Variants in CFDP1 observed in about 807,000 individuals in gnomAD.
CFDP1 encodes chromatin remodeling protein CFDP1, also known as heterochromatin-stabilizing protein CFDP1.
Under a neutral mutation model 40.1 loss-of-function variants are expected in CFDP1, and 31 were observed. That is an observed-to-expected ratio of 0.77 (90% CI 0.58 to 1.04). The LOEUF is 1.04. Ranked by LOEUF, CFDP1 falls within the 50% of genes least tolerant of loss-of-function variation. The pLI is 0.00. For missense variants in CFDP1, 423 were observed against 343.4 expected (o/e 1.23, Z -1.83); for synonymous variants, 167 against 120.0 (o/e 1.39, Z -2.56).
chr16:75,349,492 G>T lies in CFDP1; in HGVS notation c.651-44310C>A, dbSNP rs973994330. 3.3e-5 allele frequency among the ~76,000 whole-genome samples: 5 copies of T among 149,670 alleles called. No homozygotes were observed. In the Admixed American group the frequency reaches 3.4e-4, roughly 10 times the overall value. On this transcript the variant is annotated intron_variant, in intron 5 of 6. Coordinates refer to ENST00000283882, the MANE Select transcript of CFDP1 (RefSeq NM_006324.3). ...CCACTGCACTCTAGCCTGGGTGACA[G>T]AGCGAGACTCTGTCTCAAAAAAAGA...
At chr16:75,309,558 T>A (rs2078279976) in intron 5 of CFDP1, among the ~76,000 whole-genome samples, 1 of 151,752 alleles carries the variant, frequency 6.6e-6, no homozygotes. Context: ...CTGTGGCTCA[T>A]GCCTGTAATC....
chr16:75,334,623 T>C (rs749634622), intron 5 of CFDP1, among the ~76,000 whole-genome samples: 6 of 151,994 alleles, frequency 3.9e-5, no homozygotes, highest in Non-Finnish European at 4.4e-5. Context: ...AAGACAAGGC[T>C]TACGAAGAAA....
intron 2 of CFDP1, among the ~76,000 whole-genome samples, chr16:75,413,986 T>C (rs1483635313): frequency 6.6e-6 from 1 of 152,156 alleles, no homozygotes; most frequent in African/African-American, 2.4e-5. Context: ...ATACTTTGTA[T>C]ACATGTATAC....
At chr16:75,409,788 A>T (rs975805628) in intron 4 of CFDP1, among the ~76,000 whole-genome samples, 3 of 152,200 alleles carry the variant, frequency 2.0e-5, no homozygotes, top group African/African-American at 7.2e-5. Flanking sequence ...TACATTAACC[A>T]GTGGTGAATC....
intron 5 of CFDP1, among the ~76,000 whole-genome samples, chr16:75,349,652 A>G (rs1353081088): frequency 4.2e-4 from 2 of 4,766 alleles, no homozygotes; most frequent in East Asian, 0.012. Context: ...CTCCGTCTCA[A>G]AAAAAAAAAA....
chr16:75,342,063 A>G (rs1328020529), intron 5 of CFDP1, among the ~76,000 whole-genome samples: 3 of 152,230 alleles, frequency 2.0e-5, no homozygotes, highest in African/African-American at 7.2e-5. Context: ...TTAAGGATGT[A>G]CCTCATCCCT....
At chr16:75,299,391 TC>T (rs1327560402) in intron 6 of CFDP1, among the ~76,000 whole-genome samples, 1 of 150,232 alleles carries the variant, frequency 6.7e-6, no homozygotes, top group Non-Finnish European at 1.5e-5. Context: ...ATCCAGACCA[TC>T]CTGGTTAACA....
intron 1 of CFDP1, among the ~76,000 whole-genome samples, chr16:75,420,832 T>A (rs1019386185): frequency 2.0e-5 from 3 of 152,178 alleles, no homozygotes; most frequent in African/African-American, 4.8e-5. Flanking sequence ...AGTCTCTAGG[T>A]AGTTCAACTA....
rs146218059 is a variant in CFDP1 at position 75,337,037 on chromosome 16, T to C, written c.651-31855A>G. Reference sequence around the variant, plus strand: ...CAAATAGTTTTCTCCTGGTTTGCTGTCTTTGTTTATGGCGGTCTCTGCCAT... The same window carrying C: ...CAAATAGTTTTCTCCTGGTTTGCTGCCTTTGTTTATGGCGGTCTCTGCCAT... On this transcript the variant is annotated intron_variant, in intron 5 of 6. Coordinates refer to ENST00000283882, the MANE Select transcript of CFDP1 (RefSeq NM_006324.3). 4.1e-3 allele frequency among the ~76,000 whole-genome samples: 622 copies of C among 152,354 alleles called. 5 individuals are homozygous for C. The highest frequency in any genetic ancestry group is 0.013 in the African/African-American group (558 of 41,576).
chr16:75,337,477 C>T (rs1276809465), intron 5 of CFDP1, among the ~76,000 whole-genome samples: 1 of 152,196 alleles, frequency 6.6e-6, no homozygotes, highest in Admixed American at 6.5e-5. Context: ...TCACTCAATC[C>T]CCTGTCACTG....
intron 5 of CFDP1, among the ~76,000 whole-genome samples, chr16:75,364,150 A>G (rs888835360): frequency 9.3e-6 from 1 of 107,394 alleles, no homozygotes; most frequent in African/African-American, 2.8e-5. Context: ...CAAACAAACA[A>G]ACAAAAAAAA....
chr16:75,425,488 C>G (rs1313117536), intron 1 of CFDP1, among the ~76,000 whole-genome samples: 1 of 151,490 alleles, frequency 6.6e-6, no homozygotes, highest in East Asian at 1.9e-4. Context: ...CTCTCTCTAC[C>G]TGATTTCAAC....
chr16:75,405,749 C>CAAAA (rs35698522), intron 4 of CFDP1, among the ~76,000 whole-genome samples: 1 of 100,454 alleles, frequency 1.0e-5, no homozygotes, highest in Non-Finnish European at 1.9e-5. Flanking sequence ...GACTCCATCT[C>CAAAA]AAAAAAAAAA....
intron 6 of CFDP1, among the ~76,000 whole-genome samples, chr16:75,295,045 G>T (rs959651346): frequency 5.3e-5 from 8 of 152,214 alleles, no homozygotes; most frequent in Admixed American, 1.3e-4. Context: ...CATGGAAAAT[G>T]GGAGACAAAA....
Position 75,385,798 on chromosome 16 carries a change from T to C in CFDP1, c.650+9292A>G, listed in dbSNP as rs559864312. On this transcript the variant is annotated intron_variant, in intron 5 of 6. Transcript: ENST00000283882. Reference sequence around the variant, plus strand: ...ATTACTGTTTTAAAGTTAACCAAAATATATTCACTTCATTCCTAGAGTATC... The same window carrying C: ...ATTACTGTTTTAAAGTTAACCAAAACATATTCACTTCATTCCTAGAGTATC... Among the ~76,000 whole-genome samples, 8 of 152,334 alleles carry C rather than the reference T, an allele frequency of 5.3e-5. No homozygotes were observed. The South Asian group carries it at 1.5e-3, about 28-fold the overall frequency.
chr16:75,361,954 A>C (rs2151532291), intron 5 of CFDP1, among the ~76,000 whole-genome samples: 1 of 152,300 alleles, frequency 6.6e-6, no homozygotes, highest in Non-Finnish European at 1.5e-5. Flanking sequence ...GAAAACAAGC[A>C]AAAGAGCCTG....
intron 5 of CFDP1, among the ~76,000 whole-genome samples, chr16:75,348,785 A>G (rs1222832142): frequency 6.6e-6 from 1 of 152,140 alleles, no homozygotes; most frequent in African/African-American, 2.4e-5. Context: ...TATTTTGTAG[A>G]TTTCAGCATA....
chr16:75,389,870 C>T (rs1424845359), intron 5 of CFDP1, among the ~76,000 whole-genome samples: 5 of 152,184 alleles, frequency 3.3e-5, no homozygotes, highest in Admixed American at 6.5e-5. Flanking sequence ...CGTCTTTTCC[C>T]AAGCACAATT....
intron 1 of CFDP1, among the ~76,000 whole-genome samples, chr16:75,428,168 C>A: frequency 1.3e-5 from 2 of 148,550 alleles, no homozygotes; most frequent in South Asian, 2.1e-4. Context: ...CGGCTTGAAA[C>A]TGTTCATTTT....
Sources: allele counts gnomAD v4.1 joint callset (sites outside exome capture counted in the v4.1 genomes callset), GRCh38; gene constraint gnomAD v4.1.1; transcripts MANE v1.5; gene names NCBI Gene and HGNC (gene_info 2026-07-23, HGNC 2026-07-21).